TMEM237: variants seen among roughly 807,000 people sequenced by gnomAD.
TMEM237 encodes the protein transmembrane protein 237, also known as amyotrophic lateral sclerosis 2 (juvenile) chromosome region, candidate 4.
Under a neutral mutation model 59.1 loss-of-function variants are expected in TMEM237, and 51 were observed. The ratio of observed to expected loss-of-function variants is 0.86; its 90% CI spans 0.69 to 1.09. The LOEUF is 1.09. Among genes scored for constraint, TMEM237 ranks in the 50% least tolerant of loss-of-function variants. The probability of loss-of-function intolerance (pLI) is 0.00; values close to 1 mark genes in which losing one functional copy is unlikely to be tolerated. For synonymous variants in TMEM237, 140 were observed against 166.1 expected (o/e 0.84, Z 1.21); for missense variants, 475 against 478.3 (o/e 0.99, Z 0.06).
At chr2:201,641,232 TC>T (rs1434868729) in intron 1 of TMEM237, among the ~76,000 whole-genome samples, 1 of 152,182 alleles carries the variant, frequency 6.6e-6, no homozygotes, top group East Asian at 1.9e-4. Context: ...CCTCAGGAAA[TC>T]CGCCCACCTT....
chr2:201,628,820 C>T (rs1957782282), intron 9 of TMEM237, among the ~76,000 whole-genome samples: 1 of 152,194 alleles, frequency 6.6e-6, no homozygotes, highest in Non-Finnish European at 1.5e-5. Context: ...ACCCTGGCCA[C>T]ATCCTGATTG....
At chr2:201,634,644 T>A (rs926171898) in intron 5 of TMEM237, among the ~76,000 whole-genome samples, 1 of 152,242 alleles carries the variant, frequency 6.6e-6, no homozygotes, top group Admixed American at 6.5e-5. Context: ...GCACTTTTAA[T>A]GAAACTACAT....
chr2:201,638,880 T>TTC, intron 4 of TMEM237, 109 bp downstream of exon 4: 1 of 1,067,482 alleles, frequency 9.4e-7, no homozygotes, highest in Non-Finnish European at 1.4e-6. Flanking sequence ...CTCAATGAAG[T>TTC]GGAGATTCGG....
chr2:201,643,074 C>G lies in TMEM237; in HGVS notation c.42+285G>C. The G allele has an allele frequency of 8.9e-7, 1 of 1,122,508 alleles. No individual in the cohort carries two copies. The highest frequency in any genetic ancestry group is 3.4e-5 in the East Asian group (1 of 29,394). 69.5% of individuals were successfully genotyped at this position (1,122,508 alleles called of 1,614,324 possible). A position where few individuals can be genotyped will look rare whatever the true frequency, so the allele number is the denominator to read the frequency against. On this transcript the variant is annotated intron_variant, in intron 1 of 12. Transcript: ENST00000409883. The surrounding 1 kb of genome is among the most constrained non-coding windows in gnomAD (Gnocchi z 4.3). ...GGAAGCCCCGGCACCCGCCGGGCCCCGGGCCTCAGATGAGTGAGGCGTCGT... is the reference window on the plus strand; with the variant it reads ...GGAAGCCCCGGCACCCGCCGGGCCCGGGGCCTCAGATGAGTGAGGCGTCGT...
rs762108664 is a variant in TMEM237 at position 201,636,883 on chromosome 2, T to C, written c.139A>G (p.Ser47Gly). ...KKPRTKNTPA[S>G]ASLEGLAQTA... Reference sequence around the variant, plus strand: ...TGAGCAAGGCCTTCCAAAGAAGCACTTGCTATAGAAAAACAGAGTAGAAAA... The same window carrying C: ...TGAGCAAGGCCTTCCAAAGAAGCACCTGCTATAGAAAAACAGAGTAGAAAA... Residue 47 changes from serine (S) to glycine (G), a missense_variant and splice_region_variant, in exon 5 of 13, where the codon AGT (serine) becomes GGT (glycine). Physicochemically the swap from Ser to Gly is moderately conservative, Grantham distance 56 (BLOSUM62 0). Transcript: ENST00000409883. 1.0e-5 allele frequency: 16 copies of C among 1,598,668 alleles called. No individual in the cohort carries two copies. In the South Asian group the frequency reaches 1.7e-4, roughly 17 times the overall value.
At chr2:201,638,831 C>T (rs1687353394) in intron 4 of TMEM237, 158 bp downstream of exon 4, 7 of 721,066 alleles carry the variant, frequency 9.7e-6, no homozygotes, top group Middle Eastern at 2.6e-4. Context: ...CTCACCACCA[C>T]CAGGAATTCC....
intron 1 of TMEM237, among the ~76,000 whole-genome samples, chr2:201,641,682 A>G (rs919607085): frequency 6.6e-6 from 1 of 150,570 alleles, no homozygotes; most frequent in African/African-American, 2.4e-5. Context: ...TATTTAAGAC[A>G]TATCTTGTAT....
intron 1 of TMEM237, chr2:201,642,998 T>G: frequency 9.2e-5 from 118 of 1,289,234 alleles, no homozygotes; most frequent in Non-Finnish European, 1.0e-4. Flanking sequence ...AACAGATCTC[T>G]TCTGGGCAGC....
chr2:201,631,985 A>T (rs976140904), intron 7 of TMEM237, 66 bp downstream of exon 7: 20 of 1,518,762 alleles, frequency 1.3e-5, no homozygotes, highest in Non-Finnish European at 1.7e-5. Flanking sequence ...AGATTTCCAG[A>T]AGTATAAAGG....
intron 4 of TMEM237, 106 bp from the exon 5 acceptor site, chr2:201,636,991 C>T (rs544542966): frequency 1.7e-6 from 2 of 1,157,504 alleles, no homozygotes; most frequent in East Asian, 2.6e-5. Flanking sequence ...TAGAATAACC[C>T]CATCTCTTTC....
chr2:201,639,091 C>G, intron 3 of TMEM237, 46 bp from the exon 4 acceptor site: 1 of 1,507,866 alleles, frequency 6.6e-7, no homozygotes, highest in East Asian at 2.4e-5. Context: ...GCCTAAAATT[C>G]AATGCAGAGA....
intron 3 of TMEM237, among the ~76,000 whole-genome samples, chr2:201,640,015 A>G (rs1687383268): frequency 6.6e-6 from 1 of 152,224 alleles, no homozygotes; most frequent in Non-Finnish European, 1.5e-5. Context: ...TTATAGAGCT[A>G]CAAATTAGCC....
rs1687353304 is a variant in TMEM237, at chr2:201,638,828, C to A, written c.136+161G>T. The A allele has an allele frequency of 9.9e-6, 7 of 709,754 alleles. No individual in the cohort carries two copies. In the South Asian group the frequency reaches 1.2e-4, roughly 12 times the overall value. 44.0% of individuals were successfully genotyped at this position (709,754 alleles called of 1,614,324 possible). ...CTGCCCACTGCCCTGTACCTCACCACCACCAGGAATTCCACTGCTTCAAAC... is the reference window on the plus strand; with the variant it reads ...CTGCCCACTGCCCTGTACCTCACCAACACCAGGAATTCCACTGCTTCAAAC... On this transcript the variant is annotated intron_variant, in intron 4 of 12. Transcript: ENST00000409883.
At chr2:201,640,848 C>T in intron 2 of TMEM237, 45 bp downstream of exon 2, 1 of 1,489,310 alleles carries the variant, frequency 6.7e-7, no homozygotes, top group African/African-American at 1.4e-5. Context: ...TCTTCATTTT[C>T]CATTTTTAAA....
At chr2:201,642,727 G>A (rs773071842) in intron 1 of TMEM237, 10 of 1,528,114 alleles carry the variant, frequency 6.5e-6, no homozygotes, top group South Asian at 1.2e-5. Flanking sequence ...TCATCGGGCC[G>A]CGCCGCCTGG....
rs1173378418 is a variant in TMEM237, at chr2:201,624,095, A to G, written c.*160T>C. 5 of 486,904 alleles carry G rather than the reference A, an allele frequency of 1.0e-5. No homozygotes were observed. The highest frequency in any genetic ancestry group is 1.8e-5 in the Non-Finnish European group (5 of 282,044). 30.2% of individuals were successfully genotyped at this position (486,904 alleles called of 1,614,324 possible). On this transcript the variant is annotated 3_prime_UTR_variant, in exon 13 of 13. Transcript: ENST00000409883. ...AAATTAATGTTTAGACATAAACAGC[A>G]AACACAATTTTAACATTTTTCATAA...
At chr2:201,629,185 T>C (rs1957785803) in intron 9 of TMEM237, 45 bp downstream of exon 9, 1 of 1,394,998 alleles carries the variant, frequency 7.2e-7, no homozygotes, top group Non-Finnish European at 9.4e-7. Context: ...TTGCTCAGCA[T>C]TTCCTCCTGA....
At chr2:201,642,803 G>T (rs1687456966) in intron 1 of TMEM237, 58 of 1,402,404 alleles carry the variant, frequency 4.1e-5, no homozygotes, top group Non-Finnish European at 4.7e-5. Flanking sequence ...ACCTGGATTG[G>T]CCAGTCCAGA....
In TMEM237 at chr2:201,632,115, C is replaced by T. The variant is rs1292052766; in HGVS notation, c.489G>A (p.Gln163=). ...ITDEQTTVEQ[Q]SVFTAPTGIS... ...TGCCAGTGGGTGCAGTGAATACAGA[C>T]TGCTGTTCCACAGTAGTTTGCTCAT... The change falls in exon 7 of 13, where the codon CAG becomes CAA. Residue 163 remains glutamine, a synonymous_variant. Transcript: ENST00000409883. The T allele has an allele frequency of 6.2e-7, 1 of 1,613,988 alleles. No individual in the cohort carries two copies. Among genetic ancestry groups the T allele is most frequent in the Admixed American group, 1.7e-5 (1 of 60,026 alleles).
Sources: allele counts gnomAD v4.1 joint callset (sites outside exome capture counted in the v4.1 genomes callset), GRCh38; gene constraint gnomAD v4.1.1; non-coding constraint Gnocchi (gnomAD v3.1); transcripts MANE v1.5; gene names NCBI Gene and HGNC (gene_info 2026-07-23, HGNC 2026-07-21).